Variants in CTNND2 observed in about 807,000 individuals in gnomAD.
CTNND2 encodes catenin delta-2.
In CTNND2, 22 loss-of-function variants were observed where a neutral mutation model predicts 144.4. The observed-to-expected ratio is 0.15, with a 90% CI of 0.11 to 0.22. The LOEUF is 0.22. Ranked by LOEUF, CTNND2 falls within the 10% of genes least tolerant of loss-of-function variation. CTNND2 has a pLI of 1.00. For missense variants in CTNND2, 1,353 were observed against 1,618.8 expected (o/e 0.84, Z 2.82); for synonymous variants, 751 against 695.6 (o/e 1.08, Z -1.25).
chr5:11,630,313 C>G (rs1445098113), intron 2 of CTNND2, among the ~76,000 whole-genome samples: 1 of 152,120 alleles, frequency 6.6e-6, no homozygotes, highest in Non-Finnish European at 1.5e-5. Flanking sequence ...TAATGCACAC[C>G]AGGGTGGACT....
chr5:11,185,882 T>C (rs145929775), intron 11 of CTNND2, among the ~76,000 whole-genome samples: 4 of 152,360 alleles, frequency 2.6e-5, no homozygotes, highest in East Asian at 1.9e-4. Context: ...TTTGTGATAA[T>C]TGTAGAGCAA....
At position 11,649,949 on chromosome 5, in the gene CTNND2, T is replaced by C. The variant is rs2561609; in HGVS notation, c.174+82187A>G. On this transcript the variant is annotated intron_variant, in intron 2 of 21. Coordinates refer to ENST00000304623, the MANE Select transcript of CTNND2 (RefSeq NM_001332.4). ...CACAGAGAGGTCCCTTTAAATTAAA[T>C]GACTGAATGACTTAATATCACCTAG... Among the ~76,000 whole-genome samples the C allele has an allele frequency of 1.1e-3, 164 of 152,254 alleles. 1 individual carries two copies. The highest frequency in any genetic ancestry group is 3.7e-3 in the African/African-American group (155 of 41,544).
rs923185555 is a variant in CTNND2 at position 10,973,136 on chromosome 5, G to T, written c.*317C>A. On this transcript the variant is annotated 3_prime_UTR_variant, in exon 22 of 22. Transcript: ENST00000304623. This position sits in a 1 kb window ranked among gnomAD's most constrained non-coding sequence, Gnocchi z 5.6. ...TTAACGATAACCCTTACGCCCCACCGGCCCGAATGCCTCGTCTCTCCTCCC... is the reference window on the plus strand; with the variant it reads ...TTAACGATAACCCTTACGCCCCACCTGCCCGAATGCCTCGTCTCTCCTCCC... 1.3e-5 allele frequency: 3 copies of T among 237,652 alleles called. No individual in the cohort carries two copies. The highest frequency in any genetic ancestry group is 2.4e-5 in the Non-Finnish European group (3 of 123,550). 14.7% of individuals were successfully genotyped at this position (237,652 alleles called of 1,614,324 possible). A position where few individuals can be genotyped will look rare whatever the true frequency, so the allele number is the denominator to read the frequency against.
intron 1 of CTNND2, among the ~76,000 whole-genome samples, chr5:11,752,776 T>C (rs1337157538): frequency 1.3e-5 from 2 of 151,892 alleles, no homozygotes; most frequent in Non-Finnish European, 2.9e-5. Context: ...CTTTGGGCAG[T>C]ATGGCCATTT....
chr5:11,864,460 T>C (rs1560941269), intron 1 of CTNND2, among the ~76,000 whole-genome samples: 2 of 152,138 alleles, frequency 1.3e-5, no homozygotes, highest in Admixed American at 6.5e-5. Context: ...GGAGTTAAAA[T>C]TGTATCTCAA....
At chr5:11,218,181 A>AC (rs1739404516) in intron 10 of CTNND2, among the ~76,000 whole-genome samples, 1 of 152,008 alleles carries the variant, frequency 6.6e-6, no homozygotes, top group Non-Finnish European at 1.5e-5. Flanking sequence ...AAGGAGTTGT[A>AC]CCAAGTGTTA....
At position 11,408,317 on chromosome 5, in the gene CTNND2, C is replaced by T. The variant is rs189635091; in HGVS notation, c.439+3219G>A. Reference sequence around the variant, plus strand: ...TATGATCCTCTGAACACTTAAAATTCGCAATATTGATGCCCAAAATGATAG... The same window carrying T: ...TATGATCCTCTGAACACTTAAAATTTGCAATATTGATGCCCAAAATGATAG... On this transcript the variant is annotated intron_variant, in intron 5 of 21. Transcript: ENST00000304623. Among the ~76,000 whole-genome samples the T allele has an allele frequency of 2.7e-3, 418 of 152,144 alleles. 1 individual carries two copies. The highest frequency in any genetic ancestry group is 4.7e-3 in the Non-Finnish European group (319 of 67,986).
chr5:11,048,293 G>A (rs1446491092), intron 16 of CTNND2, among the ~76,000 whole-genome samples: 2 of 152,200 alleles, frequency 1.3e-5, no homozygotes, highest in East Asian at 1.9e-4. Context: ...GTATCCCAAG[G>A]TAGTTTCTAA....
rs1758829562 is a variant in CTNND2, at chr5:11,384,451, T to G, written c.1177+214A>C. On this transcript the variant is annotated intron_variant, in intron 7 of 21. Coordinates refer to ENST00000304623, the MANE Select transcript of CTNND2 (RefSeq NM_001332.4). This position sits in a 1 kb window ranked among gnomAD's most constrained non-coding sequence, Gnocchi z 5.2. ...AGAGAGTGATATAGGTGTTAGAGAT[T>G]GAGACACCACATTACTCCGGAAAAG... The G allele has an allele frequency of 3.4e-6, 2 of 582,902 alleles. No homozygotes were observed. Among genetic ancestry groups the G allele is most frequent in the South Asian group, 4.4e-5 (2 of 45,294 alleles). The allele number at this position is 582,902 out of a possible 1,614,324, so 36.1% of individuals were successfully genotyped here.
chr5:11,356,837 A>T (rs1755937324), intron 8 of CTNND2, among the ~76,000 whole-genome samples: 1 of 151,984 alleles, frequency 6.6e-6, no homozygotes, highest in African/African-American at 2.4e-5. Context: ...AACAGCAAAA[A>T]AAAAAAAGTT....
At chr5:11,104,572 G>A (rs573990212) in intron 14 of CTNND2, among the ~76,000 whole-genome samples, 2 of 152,168 alleles carry the variant, frequency 1.3e-5, no homozygotes. Flanking sequence ...AAGGTGGAAG[G>A]ATAGAGGTGA....
intron 1 of CTNND2, among the ~76,000 whole-genome samples, chr5:11,881,965 T>C (rs1337175675): frequency 2.0e-5 from 3 of 152,140 alleles, no homozygotes; most frequent in South Asian, 2.1e-4. Flanking sequence ...TGGTTTCAAC[T>C]TGAATTTCCC....
intron 19 of CTNND2, among the ~76,000 whole-genome samples, chr5:10,990,488 G>T (rs944129024): frequency 6.6e-6 from 1 of 152,110 alleles, no homozygotes; most frequent in African/African-American, 2.4e-5. Context: ...TCTCTTCCAG[G>T]AAAGTCTCTC....
At chr5:11,900,283 A>AGAGC (rs1350304828) in intron 1 of CTNND2, among the ~76,000 whole-genome samples, 1 of 152,222 alleles carries the variant, frequency 6.6e-6, no homozygotes, top group Non-Finnish European at 1.5e-5. Flanking sequence ...ACCATGATTC[A>AGAGC]GAGCTTGGAA....
intron 9 of CTNND2, among the ~76,000 whole-genome samples, chr5:11,262,140 T>G (rs1360662385): frequency 6.6e-6 from 1 of 152,158 alleles, no homozygotes; most frequent in Non-Finnish European, 1.5e-5. Context: ...ACGTGTAAGA[T>G]CTGACCTTCC....
chr5:11,685,898 T>C (rs1347841274), intron 2 of CTNND2, among the ~76,000 whole-genome samples: 2 of 152,122 alleles, frequency 1.3e-5, no homozygotes, highest in Non-Finnish European at 2.9e-5. Flanking sequence ...ATCTATCACA[T>C]AAATAAGCGT....
chr5:10,979,145 C>T (rs1382234863), intron 21 of CTNND2, among the ~76,000 whole-genome samples: 1 of 152,180 alleles, frequency 6.6e-6, no homozygotes, highest in Non-Finnish European at 1.5e-5. Context: ...CCTATTACAA[C>T]CTGACAAGAA....
chr5:11,090,806 CT>C (rs11415309), intron 15 of CTNND2, among the ~76,000 whole-genome samples: 8 of 147,472 alleles, frequency 5.4e-5, no homozygotes, highest in Admixed American at 2.0e-4. Context: ...CCTTTTTTTT[CT>C]TTTTTTTTTA....
chr5:11,237,689 A>G (rs1268008006), intron 9 of CTNND2, among the ~76,000 whole-genome samples: 1 of 152,210 alleles, frequency 6.6e-6, no homozygotes, highest in Non-Finnish European at 1.5e-5. Flanking sequence ...TATAGAGGTC[A>G]TATCTATTCT....
Sources: gnomAD v4.1 joint callset for allele counts (sites outside exome capture counted in the v4.1 genomes callset) on GRCh38, gnomAD v4.1.1 for gene constraint, Gnocchi (gnomAD v3.1) non-coding constraint, MANE v1.5 for transcripts, NCBI Gene and HGNC (gene_info 2026-07-23, HGNC 2026-07-21) for gene names.